Variants in PRKG1 observed in about 807,000 individuals in gnomAD.
PRKG1 encodes cGMP-dependent protein kinase 1.
Under a neutral mutation model 88.1 loss-of-function variants are expected in PRKG1, and 35 were observed. The ratio of observed to expected loss-of-function variants is 0.40; its 90% confidence interval spans 0.30 to 0.53. PRKG1 has a LOEUF of 0.53. Ranked by LOEUF, PRKG1 falls within the 20% of genes least tolerant of loss-of-function variation. The pLI, the probability that PRKG1 is intolerant of heterozygous loss-of-function variation, is 0.59. For missense variants in PRKG1, 540 were observed against 839.8 expected, an observed-to-expected ratio of 0.64 and a Z score of 4.41; for synonymous variants, 303 against 292.5, an observed-to-expected ratio of 1.04 and a Z score of -0.37.
intron 3 of PRKG1, among the ~76,000 whole-genome samples, chr10:51,578,636 T>C (rs1032991488): frequency 3.9e-5 from 6 of 152,130 alleles, no homozygotes; most frequent in African/African-American, 1.4e-4. Flanking sequence ...ATATGCCCCT[T>C]AACTAAGCCA....
At chr10:51,953,449 T>C (rs7095482) in intron 5 of PRKG1, among the ~76,000 whole-genome samples, 54,301 of 152,016 alleles carry the variant, frequency 0.36, 10,228 homozygotes, top group East Asian at 0.65. Flanking sequence ...CTTTTTTCAG[T>C]AAATGTCTTT....
intron 2 of PRKG1, among the ~76,000 whole-genome samples, chr10:51,254,176 A>G (rs1242843697): frequency 6.6e-6 from 1 of 151,914 alleles, no homozygotes; most frequent in Non-Finnish European, 1.5e-5. Flanking sequence ...TGAAGCATTG[A>G]TTGATTTTTC....
At chr10:51,689,882 A>G (rs769268104) in intron 3 of PRKG1, among the ~76,000 whole-genome samples, 21 of 152,158 alleles carry the variant, frequency 1.4e-4, no homozygotes, top group Non-Finnish European at 1.0e-4. Context: ...AGAAGTGAGT[A>G]AGGGGCCAAC....
chr10:51,211,416 T>C (rs1244119880), intron 2 of PRKG1, among the ~76,000 whole-genome samples: 2 of 152,210 alleles, frequency 1.3e-5, no homozygotes, highest in Non-Finnish European at 2.9e-5. Context: ...AAGACAGGGA[T>C]GCCCTCTCTC....
chr10:51,395,022 A>C (rs10822909), intron 2 of PRKG1, among the ~76,000 whole-genome samples: 36,756 of 152,130 alleles, frequency 0.24, 4,883 homozygotes, highest in African/African-American at 0.33. Flanking sequence ...ACATTTGGGA[A>C]ACTTGCTTTA....
At chr10:51,502,855 T>C (rs1421514706) in intron 3 of PRKG1, among the ~76,000 whole-genome samples, 4 of 152,184 alleles carry the variant, frequency 2.6e-5, no homozygotes, top group Admixed American at 2.6e-4. Flanking sequence ...CAATGCCAGG[T>C]TTGCTGATTA....
intron 3 of PRKG1, among the ~76,000 whole-genome samples, chr10:51,526,230 G>T (rs1841881210): frequency 6.6e-6 from 1 of 151,932 alleles, no homozygotes; most frequent in Non-Finnish European, 1.5e-5. Flanking sequence ...AGAATATAAA[G>T]GATCTCATAA....
intron 7 of PRKG1, among the ~76,000 whole-genome samples, chr10:52,078,010 T>C (rs1589585862): frequency 6.6e-6 from 1 of 152,198 alleles, no homozygotes; most frequent in East Asian, 1.9e-4. Context: ...GCCGCCCAGA[T>C]GGCCGACTGC....
At chr10:52,121,340 A>G (rs1348220046) in intron 7 of PRKG1, among the ~76,000 whole-genome samples, 1 of 152,132 alleles carries the variant, frequency 6.6e-6, no homozygotes, top group East Asian at 1.9e-4. Flanking sequence ...CATCCATATT[A>G]CTATTTTTAG....
chr10:52,241,774 T>G (rs1201179086), intron 9 of PRKG1, among the ~76,000 whole-genome samples: 1 of 152,196 alleles, frequency 6.6e-6, no homozygotes, highest in Non-Finnish European at 1.5e-5. Flanking sequence ...CTTAACTTTC[T>G]GTTCCCAGTT....
At chr10:52,068,239 G>C (rs1846407657) in intron 7 of PRKG1, among the ~76,000 whole-genome samples, 1 of 143,480 alleles carries the variant, frequency 7.0e-6, no homozygotes, top group Admixed American at 7.0e-5. Context: ...ATCCCTACTT[G>C]ACTTGAAACC....
chr10:51,143,628 A>G (rs942509609), intron 1 of PRKG1, among the ~76,000 whole-genome samples: 5 of 152,020 alleles, frequency 3.3e-5, no homozygotes, highest in Non-Finnish European at 7.4e-5. Flanking sequence ...TACCATGTCA[A>G]CACTTGTTAT....
At chr10:51,576,730 T>G (rs2132177625) in intron 3 of PRKG1, among the ~76,000 whole-genome samples, 1 of 152,070 alleles carries the variant, frequency 6.6e-6, no homozygotes, top group South Asian at 2.1e-4. Flanking sequence ...TTAGATTATA[T>G]CAATATTTTT....
At chr10:51,234,585 G>A (rs1403639722) in intron 2 of PRKG1, among the ~76,000 whole-genome samples, 2 of 151,930 alleles carry the variant, frequency 1.3e-5, no homozygotes, top group Admixed American at 1.3e-4. Flanking sequence ...CATTAATTTG[G>A]CATTTTTATT....
chr10:52,178,258 C>T (rs1280780990), intron 9 of PRKG1, among the ~76,000 whole-genome samples: 1 of 151,954 alleles, frequency 6.6e-6, no homozygotes, highest in East Asian at 1.9e-4. Context: ...TTTCTTTCTT[C>T]AGTCATTGGT....
chr10:52,281,008 T>A, intron 13 of PRKG1, 78 bp downstream of exon 13: 2 of 1,480,664 alleles, frequency 1.4e-6, no homozygotes, highest in African/African-American at 1.4e-5. Context: ...TTTGCTAATA[T>A]GAAATCTGAG....
chr10:52,156,569 G>A (rs1838106324), intron 8 of PRKG1, among the ~76,000 whole-genome samples: 1 of 151,778 alleles, frequency 6.6e-6, no homozygotes, highest in Non-Finnish European at 1.5e-5. Flanking sequence ...AAATATGGAT[G>A]TGGCTGGTTT....
chr10:51,061,102 C>A (rs979670753), intron 1 of PRKG1, among the ~76,000 whole-genome samples: 1 of 75,868 alleles, frequency 1.3e-5, no homozygotes, highest in African/African-American at 7.8e-5. Flanking sequence ...AGTCTGTTCT[C>A]ATGCTGCTAA....
At chr10:51,753,197 A>T (rs555902563) in intron 3 of PRKG1, among the ~76,000 whole-genome samples, 1 of 152,226 alleles carries the variant, frequency 6.6e-6, no homozygotes, top group Admixed American at 6.5e-5. Context: ...TTGCTTATCT[A>T]ATCAATTTTA....
Sources: allele counts gnomAD v4.1 joint callset (sites outside exome capture counted in the v4.1 genomes callset), GRCh38; gene constraint gnomAD v4.1.1; transcripts MANE v1.5; gene names NCBI Gene and HGNC (gene_info 2026-07-23, HGNC 2026-07-21).